Variants in NEO1 observed in about 807,000 individuals in gnomAD.
NEO1 encodes the protein neogenin.
Under a neutral mutation model 159.7 loss-of-function variants are expected in NEO1, and 63 were observed. The ratio of observed to expected loss-of-function variants is 0.39; its 90% confidence interval spans 0.32 to 0.49. The LOEUF (loss-of-function observed/expected upper bound fraction) is 0.49, where lower values mean the gene tolerates loss of function less well. Ranked by LOEUF, NEO1 falls within the 20% of genes least tolerant of loss-of-function variation. The probability of loss-of-function intolerance (pLI) is 0.85; values close to 1 mark genes in which losing one functional copy is unlikely to be tolerated. For missense variants in NEO1, 1,615 were observed against 1,831.0 expected (o/e 0.88, Z 2.15); for synonymous variants, 633 against 662.0 (o/e 0.96, Z 0.67).
At chr15:73,152,792 G>GT (rs1159549935) in intron 5 of NEO1, among the ~76,000 whole-genome samples, 1 of 152,100 alleles carries the variant, frequency 6.6e-6, no homozygotes, top group African/African-American at 2.4e-5. Context: ...TGCTAGGTGT[G>GT]TGGGGGGGAA....
At chr15:73,221,116 C>T (rs1596381219) in intron 7 of NEO1, among the ~76,000 whole-genome samples, 1 of 152,182 alleles carries the variant, frequency 6.6e-6, no homozygotes, top group East Asian at 1.9e-4. Flanking sequence ...TGTGGATGTC[C>T]TTTCTGTTTG....
rs1267390193 is a variant in NEO1 at position 73,122,679 on chromosome 15, T to G, written c.603T>G (p.Leu201=). 5 of 1,614,154 alleles carry G rather than the reference T, an allele frequency of 3.1e-6. No homozygotes were observed. Among genetic ancestry groups the G allele is most frequent in the Non-Finnish European group, 4.2e-6 (5 of 1,180,020 alleles). The part of the protein sequence containing the change: ...PLLLDDRVIK[L]PSGMLVISNA... ...TTCTGGATGATAGAGTTATCAAACT[T>G]CCAAGTGGAATGCTGGTTATCAGCA... The change falls in exon 3 of 29, where the codon CTT becomes CTG. Residue 201 remains leucine (L), a synonymous_variant. Coordinates refer to ENST00000261908, the MANE Select transcript of NEO1 (RefSeq NM_002499.4).
chr15:73,108,056 T>C (rs1384108431), intron 1 of NEO1, among the ~76,000 whole-genome samples: 1 of 152,212 alleles, frequency 6.6e-6, no homozygotes, highest in African/African-American at 2.4e-5. Flanking sequence ...CCAAAAGCTT[T>C]CATGAACGTT....
At chr15:73,270,543 A>C in intron 18 of NEO1, 89 bp downstream of exon 18, 1 of 1,372,334 alleles carries the variant, frequency 7.3e-7, no homozygotes, top group Non-Finnish European at 9.8e-7. Context: ...TACAAAACAC[A>C]GTGAGCAACT....
chr15:73,065,421 A>G (rs992036163), intron 1 of NEO1, among the ~76,000 whole-genome samples: 2 of 152,086 alleles, frequency 1.3e-5, no homozygotes, highest in Non-Finnish European at 2.9e-5. Context: ...TGTCTGTCTG[A>G]AAACATTTGT....
chr15:73,057,369 C>CT (rs560491929), intron 1 of NEO1, among the ~76,000 whole-genome samples: 181 of 152,038 alleles, frequency 1.2e-3, no homozygotes, highest in African/African-American at 4.2e-3. Flanking sequence ...ATTTAATAGT[C>CT]TTTTTTCCAA....
At position 73,249,182 on chromosome 15, in the gene NEO1, A is replaced by T. The variant is rs757320975; in HGVS notation, c.1729A>T (p.Met577Leu). 1 of 1,614,066 alleles carries T rather than the reference A, an allele frequency of 6.2e-7. No individual in the cohort carries two copies. Among genetic ancestry groups the T allele is most frequent in the South Asian group, 1.1e-5 (1 of 91,078 alleles). ...GEIQNYKLYY[M>L]EKGTDKEQDV... ...AATTCAGAATTATAAATTGTACTAC[A>T]TGGAAAAGGGGACTGATAAAGAACA... Residue 577 changes from methionine (M) to leucine (L), a missense_variant, in exon 10 of 29, where the codon ATG becomes TTG. Transcript: ENST00000261908.
chr15:73,237,493 C>T (rs920014042), intron 8 of NEO1, among the ~76,000 whole-genome samples: 4 of 152,162 alleles, frequency 2.6e-5, no homozygotes, highest in Admixed American at 1.3e-4. Context: ...AGCTAAGATA[C>T]GTGTTTTAGT....
intron 23 of NEO1, among the ~76,000 whole-genome samples, chr15:73,287,924 C>T (rs1483880245): frequency 6.6e-6 from 1 of 151,730 alleles, no homozygotes; most frequent in Non-Finnish European, 1.5e-5. Context: ...CTTTATAAGC[C>T]ACAGACTTTC....
chr15:73,142,255 G>A (rs190155399), intron 5 of NEO1, among the ~76,000 whole-genome samples: 92 of 152,266 alleles, frequency 6.0e-4, no homozygotes, highest in Admixed American at 2.7e-3. Flanking sequence ...GCCAGGAAAC[G>A]TTGAGATCAG....
At chr15:73,270,530 A>C in intron 18 of NEO1, 76 bp downstream of exon 18, 6 of 1,473,014 alleles carry the variant, frequency 4.1e-6, no homozygotes, top group Non-Finnish European at 5.4e-6. Context: ...GAATTGACAT[A>C]TTTACAAAAC....
chr15:73,212,039 A>G (rs1188608358), intron 7 of NEO1, among the ~76,000 whole-genome samples: 2 of 152,148 alleles, frequency 1.3e-5, no homozygotes, highest in Non-Finnish European at 2.9e-5. Flanking sequence ...TTTTCAATAC[A>G]TTCGTATCGG....
intron 9 of NEO1, among the ~76,000 whole-genome samples, chr15:73,248,167 A>T (rs946159127): frequency 6.6e-6 from 1 of 152,224 alleles, no homozygotes; most frequent in African/African-American, 2.4e-5. Context: ...GACTGACTGT[A>T]ACCATTCAAT....
At chr15:73,100,029 A>G (rs1335117942) in intron 1 of NEO1, among the ~76,000 whole-genome samples, 1 of 152,166 alleles carries the variant, frequency 6.6e-6, no homozygotes, top group African/African-American at 2.4e-5. Flanking sequence ...TCTCCATTCC[A>G]AATCTACCAT....
chr15:73,117,778 A>G (rs1022397983), intron 2 of NEO1, among the ~76,000 whole-genome samples: 1 of 152,192 alleles, frequency 6.6e-6, no homozygotes, highest in African/African-American at 2.4e-5. Context: ...AAGTTTCTGT[A>G]ATTATTCCAT....
intron 7 of NEO1, among the ~76,000 whole-genome samples, chr15:73,215,359 T>C (rs1424952969): frequency 6.6e-6 from 1 of 152,196 alleles, no homozygotes; most frequent in Non-Finnish European, 1.5e-5. Context: ...CGTGTTCCTA[T>C]TTTCAGAGGG....
At chr15:73,216,447 C>G (rs1221623237) in intron 7 of NEO1, among the ~76,000 whole-genome samples, 1 of 152,148 alleles carries the variant, frequency 6.6e-6, no homozygotes, top group African/African-American at 2.4e-5. Context: ...GGTATATACC[C>G]AGTAATGGGA....
In NEO1 at chr15:73,279,345, G is replaced by GTTTTTTTT. The variant is rs34303412; in HGVS notation, c.3262+1150_3262+1151insTTTTTTTT. Among the ~76,000 whole-genome samples the GTTTTTTTT allele has an allele frequency of 1.3e-3, 104 of 77,846 alleles. 1 individual carries two copies. Among genetic ancestry groups the GTTTTTTTT allele is most frequent in the African/African-American group, 3.3e-3 (103 of 31,068 alleles). The allele number at this position is 77,846 out of a possible 152,430, so 51.1% of individuals were successfully genotyped here. On this transcript the variant is annotated intron_variant, in intron 22 of 28. Coordinates refer to ENST00000261908, the MANE Select transcript of NEO1 (RefSeq NM_002499.4). ...GCATGCATGTTTTTTTGTTGTTTTG[G>GTTTTTTTT]TTTTGGTTTTTTTTTTTTTTTGAGA...
intron 7 of NEO1, among the ~76,000 whole-genome samples, chr15:73,216,381 C>T (rs900159824): frequency 2.6e-5 from 4 of 151,972 alleles, no homozygotes; most frequent in Non-Finnish European, 4.4e-5. Flanking sequence ...TGAATAGTGC[C>T]GCAATAAACA....
Sources: gnomAD v4.1 joint callset for allele counts (sites outside exome capture counted in the v4.1 genomes callset) on GRCh38, gnomAD v4.1.1 for gene constraint, MANE v1.5 for transcripts, NCBI Gene and HGNC (gene_info 2026-07-23, HGNC 2026-07-21) for gene names.